The following ZFHX3 variants were observed in gnomAD, a reference collection of about 807,000 sequenced individuals.
The protein encoded by ZFHX3 is zinc finger homeobox 3, also known as zinc finger homeobox protein 3.
Under a neutral mutation model 279.1 loss-of-function variants are expected in ZFHX3, and 42 were observed. The observed-to-expected ratio is 0.15, with a 90% confidence interval of 0.12 to 0.19. The LOEUF (loss-of-function observed/expected upper bound fraction) is 0.19, where lower values mean the gene tolerates loss of function less well. ZFHX3 is among the 10% of genes least tolerant of loss of function. ZFHX3 has a pLI of 1.00. For synonymous variants in ZFHX3, 2,293 were observed against 1,957.8 expected (o/e 1.17, Z -4.52); for missense variants, 4,981 against 4,754.0 (o/e 1.05, Z -1.40).
intron 3 of ZFHX3, among the ~76,000 whole-genome samples, chr16:73,434,117 CTG>C (rs1162406176): frequency 1.3e-5 from 2 of 152,214 alleles, no homozygotes; most frequent in African/African-American, 4.8e-5. Flanking sequence ...CAAACACACA[CTG>C]TAATTCAGAA....
chr16:73,713,642 T>TTA (rs78601241), intron 1 of ZFHX3, among the ~76,000 whole-genome samples: 1 of 150,442 alleles, frequency 6.6e-6, no homozygotes, highest in African/African-American at 2.4e-5. Flanking sequence ...TTTTTTTTTT[T>TTA]TATACTCTAG....
chr16:73,690,210 T>G (rs1053405939), intron 1 of ZFHX3, among the ~76,000 whole-genome samples: 4 of 152,028 alleles, frequency 2.6e-5, no homozygotes, highest in African/African-American at 9.7e-5. Flanking sequence ...CATACACTAT[T>G]TAAGAAGCAC....
chr16:73,655,753 C>T (rs147699254), intron 2 of ZFHX3, among the ~76,000 whole-genome samples: 281 of 152,242 alleles, frequency 1.8e-3, no homozygotes, highest in African/African-American at 6.3e-3. Context: ...TTCTAAAACA[C>T]TTCTAGTGAG....
chr16:73,326,299 C>T (rs1597285435), intron 3 of ZFHX3, among the ~76,000 whole-genome samples: 1 of 152,222 alleles, frequency 6.6e-6, no homozygotes, highest in African/African-American at 2.4e-5. Flanking sequence ...GACACTGAAC[C>T]ACATACGAAA....
chr16:73,689,836 T>TTTG (rs1194538727), intron 1 of ZFHX3, among the ~76,000 whole-genome samples: 13 of 151,240 alleles, frequency 8.6e-5, no homozygotes, highest in Non-Finnish European at 1.8e-4. Context: ...GTTGTTGTTG[T>TTTG]TTTTTTGAGA....
chr16:72,984,125 G>C (rs1239643229), intron 1 of ZFHX3, among the ~76,000 whole-genome samples: 1 of 152,134 alleles, frequency 6.6e-6, no homozygotes, highest in Non-Finnish European at 1.5e-5. Context: ...TGAATAACCT[G>C]TCTGCTGGCT....
chr16:73,723,018 G>A (rs531800198), intron 1 of ZFHX3, among the ~76,000 whole-genome samples: 1 of 152,234 alleles, frequency 6.6e-6, no homozygotes, highest in African/African-American at 2.4e-5. Flanking sequence ...TAAATGCTAA[G>A]GCCCCATGAC....
At chr16:72,874,264 T>G (rs915799605) in intron 4 of ZFHX3, among the ~76,000 whole-genome samples, 9 of 141,472 alleles carry the variant, frequency 6.4e-5, no homozygotes, top group Non-Finnish European at 1.0e-4. Context: ...TGGAGTGCAG[T>G]GGCACAATCT....
chr16:73,534,167 G>A (rs1350980860), intron 2 of ZFHX3, among the ~76,000 whole-genome samples: 1 of 151,920 alleles, frequency 6.6e-6, no homozygotes, highest in Non-Finnish European at 1.5e-5. Flanking sequence ...TCTTCCCCTT[G>A]CCCATTCAGC....
At chr16:73,624,934 G>A (rs1028383825) in intron 2 of ZFHX3, among the ~76,000 whole-genome samples, 3 of 152,172 alleles carry the variant, frequency 2.0e-5, no homozygotes, top group Non-Finnish European at 4.4e-5. Flanking sequence ...GAACGCTAAT[G>A]GACAAAGTCG....
intron 1 of ZFHX3, among the ~76,000 whole-genome samples, chr16:73,818,261 T>C (rs1960634173): frequency 6.6e-6 from 1 of 152,156 alleles, no homozygotes; most frequent in South Asian, 2.1e-4. Context: ...TTTGAGGCAA[T>C]GTAGTTAATT....
chr16:73,036,430 G>T (rs1452979476), intron 1 of ZFHX3, among the ~76,000 whole-genome samples: 10 of 152,166 alleles, frequency 6.6e-5, no homozygotes, highest in Non-Finnish European at 1.5e-5. Flanking sequence ...GGGGGAAAAG[G>T]AGTTTAGGAA....
chr16:73,371,319 C>G (rs1302935332), intron 3 of ZFHX3, among the ~76,000 whole-genome samples: 1 of 151,914 alleles, frequency 6.6e-6, no homozygotes, highest in East Asian at 2.0e-4. Context: ...AACAAAAGAC[C>G]TCATCATTGA....
chr16:73,330,687 C>T (rs2015785423), intron 3 of ZFHX3, among the ~76,000 whole-genome samples: 1 of 152,092 alleles, frequency 6.6e-6, no homozygotes, highest in Non-Finnish European at 1.5e-5. Flanking sequence ...GAGGCAAGGG[C>T]ATGTTGATGC....
intron 3 of ZFHX3, among the ~76,000 whole-genome samples, chr16:73,359,127 C>T (rs2016393497): frequency 1.3e-5 from 2 of 150,232 alleles, no homozygotes; most frequent in South Asian, 4.2e-4. Flanking sequence ...AGGTAATAGA[C>T]AATTAGGTGC....
chr16:73,326,280 A>C (rs2015687376), intron 3 of ZFHX3, among the ~76,000 whole-genome samples: 1 of 152,240 alleles, frequency 6.6e-6, no homozygotes, highest in Admixed American at 6.5e-5. Context: ...GCTAAAGGAC[A>C]GACCAGAAGA....
chr16:73,087,120 A>G (rs1205577575), intron 8 of ZFHX3, among the ~76,000 whole-genome samples: 2 of 152,202 alleles, frequency 1.3e-5, no homozygotes, highest in South Asian at 2.1e-4. Flanking sequence ...GAAAAACACT[A>G]AAAACTTTTA....
chr16:73,405,757 G>C (rs755294022), intron 3 of ZFHX3, among the ~76,000 whole-genome samples: 2 of 150,312 alleles, frequency 1.3e-5, no homozygotes, highest in African/African-American at 2.5e-5. Context: ...ATGCCATGGG[G>C]ATGCATATTT....
intron 2 of ZFHX3, among the ~76,000 whole-genome samples, chr16:73,538,805 G>T (rs1006937645): frequency 6.6e-6 from 1 of 152,148 alleles, no homozygotes; most frequent in African/African-American, 2.4e-5. Flanking sequence ...TCGGGCAAAC[G>T]ACAATAACAA....
Sources: gnomAD v4.1 joint callset for allele counts (sites outside exome capture counted in the v4.1 genomes callset) on GRCh38, gnomAD v4.1.1 for gene constraint, MANE v1.5 for transcripts, NCBI Gene and HGNC (gene_info 2026-07-23, HGNC 2026-07-21) for gene names.